TUSC3: variants seen among roughly 807,000 people sequenced by gnomAD.
The protein encoded by TUSC3 is dolichyl-diphosphooligosaccharide--protein glycosyltransferase subunit TUSC3.
Under a neutral mutation model 44.8 loss-of-function variants are expected in TUSC3, and 45 were observed. That is an observed-to-expected ratio of 1.00 (90% CI 0.79 to 1.29). The LOEUF is 1.29. Among genes scored for constraint, TUSC3 ranks in the 50% most tolerant of loss-of-function variants. The pLI, the probability that TUSC3 is intolerant of heterozygous loss-of-function variation, is 0.00. For synonymous variants in TUSC3, 212 were observed against 152.9 expected, an observed-to-expected ratio of 1.39 and a Z score of -2.85; for missense variants, 519 against 437.9, an observed-to-expected ratio of 1.19 and a Z score of -1.65.
At chr8:15,490,062 C>T (rs906146401) in intron 2 of TUSC3, among the ~76,000 whole-genome samples, 1 of 152,028 alleles carries the variant, frequency 6.6e-6, no homozygotes, top group Non-Finnish European at 1.5e-5. Context: ...ACATGGTGTC[C>T]TTAAGTATGT....
intron 6 of TUSC3, among the ~76,000 whole-genome samples, chr8:15,685,858 GTT>G (rs34405336): frequency 0.2 from 29,643 of 145,064 alleles, 3,745 homozygotes; most frequent in Non-Finnish European, 0.29. Flanking sequence ...TAGTTCTTAG[GTT>G]TTTTTTTTTT....
intron 6 of TUSC3, among the ~76,000 whole-genome samples, chr8:15,688,618 T>C (rs1201296460): frequency 6.6e-6 from 1 of 152,130 alleles, no homozygotes; most frequent in Non-Finnish European, 1.5e-5. Context: ...TTTCTGTCTT[T>C]GGTCTTTTGT....
chr8:15,715,234 G>A (rs778781008), intron 6 of TUSC3, among the ~76,000 whole-genome samples: 2 of 152,046 alleles, frequency 1.3e-5, no homozygotes, highest in Non-Finnish European at 2.9e-5. Context: ...ATACCAGGAT[G>A]AAGTTTAATT....
At chr8:15,630,972 T>G (rs1470744643) in intron 2 of TUSC3, among the ~76,000 whole-genome samples, 1 of 152,214 alleles carries the variant, frequency 6.6e-6, no homozygotes, top group Non-Finnish European at 1.5e-5. Context: ...ATTACTTTTT[T>G]GGGGTTTGGT....
intron 6 of TUSC3, among the ~76,000 whole-genome samples, chr8:15,697,454 A>G (rs916496205): frequency 1.3e-5 from 2 of 152,124 alleles, no homozygotes; most frequent in Admixed American, 1.3e-4. Flanking sequence ...CCTTTGCTGT[A>G]TTTCAGAGGT....
chr8:15,542,000 A>G (rs916247120), intron 1 of TUSC3, among the ~76,000 whole-genome samples: 2 of 146,006 alleles, frequency 1.4e-5, no homozygotes, highest in Non-Finnish European at 1.5e-5. Flanking sequence ...ACCTTAATCA[A>G]TTTTTTTTTT....
At chr8:15,530,196 A>G (rs1347904034) in intron 2 of TUSC3, among the ~76,000 whole-genome samples, 2 of 152,004 alleles carry the variant, frequency 1.3e-5, no homozygotes. Flanking sequence ...CACAGCAGCT[A>G]TAAGGACAGT....
At chr8:15,663,170 A>T (rs1176570555) in intron 5 of TUSC3, among the ~76,000 whole-genome samples, 2 of 151,908 alleles carry the variant, frequency 1.3e-5, no homozygotes, top group African/African-American at 4.8e-5. Flanking sequence ...AGGTACTTAA[A>T]AATAAATCTA....
chr8:15,453,386 T>C (rs911602238), intron 1 of TUSC3, among the ~76,000 whole-genome samples: 2 of 152,228 alleles, frequency 1.3e-5, no homozygotes, highest in African/African-American at 4.8e-5. Flanking sequence ...GCCTGCTTAC[T>C]TTTATGGCAC....
chr8:15,451,127 G>T (rs1007871786), intron 1 of TUSC3, among the ~76,000 whole-genome samples: 3 of 152,178 alleles, frequency 2.0e-5, no homozygotes, highest in Admixed American at 6.5e-5. Flanking sequence ...GAAGCTAGAG[G>T]ATCAAGTATG....
intron 6 of TUSC3, among the ~76,000 whole-genome samples, chr8:15,726,651 C>G (rs1202129307): frequency 6.6e-6 from 1 of 151,896 alleles, no homozygotes; most frequent in Non-Finnish European, 1.5e-5. Flanking sequence ...ACTAAAAATA[C>G]AAAAATTAGC....
intron 1 of TUSC3, among the ~76,000 whole-genome samples, chr8:15,475,112 A>G (rs181554443): frequency 6.6e-6 from 1 of 152,158 alleles, no homozygotes; most frequent in Non-Finnish European, 1.5e-5. Context: ...ATAACAGCTA[A>G]TATTATTGAG....
At chr8:15,627,619 C>T (rs1424091223) in intron 2 of TUSC3, among the ~76,000 whole-genome samples, 4 of 152,222 alleles carry the variant, frequency 2.6e-5, no homozygotes, top group Non-Finnish European at 5.9e-5. Context: ...CTGTGACTCC[C>T]TTTTTGGGGC....
Position 15,704,258 on chromosome 8 carries a change from T to TG in TUSC3, c.799-26408_799-26407insG, listed in dbSNP as rs1228057961. On this transcript the variant is annotated intron_variant, in intron 6 of 10. Transcript: ENST00000503731. Reference sequence around the variant, plus strand: ...CAAAATGGAAACATTCTTAATGGTTTTTTTTTTTTTTTTTGGAATAGCAAG... The same window carrying TG: ...CAAAATGGAAACATTCTTAATGGTTTGTTTTTTTTTTTTTTGGAATAGCAAG... 4.8e-4 allele frequency among the ~76,000 whole-genome samples: 72 copies of TG among 150,260 alleles called. 1 individual carries two copies. Among genetic ancestry groups the TG allele is most frequent in the Non-Finnish European group, 7.6e-4 (51 of 67,408 alleles).
intron 1 of TUSC3, among the ~76,000 whole-genome samples, chr8:15,582,127 T>C (rs1259294055): frequency 6.6e-6 from 1 of 152,186 alleles, no homozygotes; most frequent in South Asian, 2.1e-4. Flanking sequence ...CCTGACCCCT[T>C]GCGCTTCCCA....
rs752641155 is a variant in TUSC3, at chr8:15,673,773, C to A, written c.735C>A (p.Gly245=). 6.2e-7 allele frequency: 1 copy of A among 1,612,746 alleles called. No individual in the cohort carries two copies. Among genetic ancestry groups the A allele is most frequent in the Non-Finnish European group, 8.5e-7 (1 of 1,179,108 alleles). Residue 245 remains glycine, a synonymous_variant, in exon 6 of 11, where the codon GGC becomes GGA. Transcript: ENST00000503731. ...SLCIVFAMTS[G]QMWNHIRGPP... is the part of the protein sequence containing the mutation. Reference sequence around the variant, plus strand: ...GTATAGTCTTTGCTATGACTTCTGGCCAGATGTGGAACCATATCCGTGGAC... The same window carrying A: ...GTATAGTCTTTGCTATGACTTCTGGACAGATGTGGAACCATATCCGTGGAC...
chr8:15,451,764 C>T (rs1341671463), intron 1 of TUSC3, among the ~76,000 whole-genome samples: 2 of 152,058 alleles, frequency 1.3e-5, no homozygotes, highest in Non-Finnish European at 2.9e-5. Flanking sequence ...AGTCCTTCAC[C>T]TGTGGGGTCT....
chr8:15,689,868 A>ATATG (rs1808823461), intron 6 of TUSC3, among the ~76,000 whole-genome samples: 1 of 572 alleles, frequency 1.7e-3, no homozygotes, highest in African/African-American at 2.1e-3. Context: ...GTGTGTATAA[A>ATATG]TATATATATA....
In TUSC3 at chr8:15,623,112, G is replaced by C. The variant is rs761275380; in HGVS notation, c.171G>C (p.Met57Ile). ...NLLAEKVEQL[M>I]EWSSRRSIFR... ...TAGCTGAAAAAGTAGAGCAGCTGAT[G>C]GAATGGAGTTCCAGACGCTCAATCT... Residue 57 changes from methionine to isoleucine, a missense_variant, in exon 2 of 11, where the codon ATG becomes ATC. By Grantham distance (10) the Met-to-Ile change is conservative. Coordinates refer to ENST00000503731, the MANE Select transcript of TUSC3 (RefSeq NM_006765.4). The C allele has an allele frequency of 2.5e-6, 4 of 1,613,800 alleles. No homozygotes were observed. In the South Asian group the frequency reaches 4.4e-5, roughly 18 times the overall value.
Sources: gnomAD v4.1 joint callset for allele counts (sites outside exome capture counted in the v4.1 genomes callset) on GRCh38, gnomAD v4.1.1 for gene constraint, MANE v1.5 for transcripts, NCBI Gene and HGNC (gene_info 2026-07-23, HGNC 2026-07-21) for gene names.